The following FLG variants were observed in gnomAD, a reference collection of about 807,000 sequenced individuals.
The protein encoded by FLG is epidermal filaggrin.
In FLG, 6 loss-of-function variants were observed where a neutral mutation model predicts 3.8. That is an observed-to-expected ratio of 1.60 (90% CI 0.87 to 3.15). FLG has a LOEUF of 3.15. Ranked by LOEUF, FLG falls within the 30% of genes most tolerant of loss-of-function variation. The pLI is 0.00. For synonymous variants in FLG, 2,551 were observed against 1,931.6 expected (o/e 1.32, Z -8.41); for missense variants, 7,595 against 5,050.9 (o/e 1.50, Z -15.27).
chr1:152,313,568 G>T lies in FLG; in HGVS notation c.1318C>A (p.His440Asn), dbSNP rs781472255. Residue 440 changes from histidine (H) to asparagine (N), a missense_variant, in exon 3 of 3, where the codon CAC becomes AAC. Physicochemically the swap from His to Asn is moderately conservative, Grantham distance 68. Coordinates refer to ENST00000368799, the MANE Select transcript of FLG (RefSeq NM_002016.2). ...TGCTGTCTCAGCCCAGCCTTTCCGT[G>T]GCCTGACACTGATTGTGTGTCTGAG... is the stretch of plus-strand genomic sequence containing the variant. ...ENSDTQSVSG[H>N]GKAGLRQQSH... The T allele has an allele frequency of 1.2e-6, 2 of 1,613,950 alleles. No individual in the cohort carries two copies. The highest frequency in any genetic ancestry group is 1.7e-6 in the Non-Finnish European group (2 of 1,179,992).
intron 1 of FLG, among the ~76,000 whole-genome samples, chr1:152,324,165 T>G (rs1460619544): frequency 1.3e-5 from 2 of 151,830 alleles, no homozygotes; most frequent in Non-Finnish European, 2.9e-5. Flanking sequence ...GAATGCAGTC[T>G]CTCCCTGCTC....
In FLG at chr1:152,314,660, G is replaced by C. The variant is rs370154185; in HGVS notation, c.226C>G (p.Leu76Val). 3.2e-5 allele frequency: 51 copies of C among 1,613,874 alleles called. No homozygotes were observed. The highest frequency in any genetic ancestry group is 4.1e-5 in the Non-Finnish European group (48 of 1,179,976). ...GCTTGAGCCAACTTGAATACCATCA[G>C]AAGAAACTCAGTGAAGTCAATTTTC... ...NKKIDFTEFL[L>V]MVFKLAQAYY... The change falls in exon 3 of 3, where the codon CTG (leucine) becomes GTG (valine). Residue 76 changes from leucine (L) to valine (V), a missense_variant. Leu to Val is a conservative substitution (Grantham distance 32, BLOSUM62 1). Transcript: ENST00000368799.
chr1:152,319,689 A>C (rs549119493), intron 1 of FLG, among the ~76,000 whole-genome samples: 2 of 151,606 alleles, frequency 1.3e-5, no homozygotes, highest in South Asian at 4.1e-4. Flanking sequence ...TGTTATATTC[A>C]TCTTTCTGAA....
chr1:152,312,716 C>T lies in FLG; in HGVS notation c.2170G>A (p.Gly724Ser), dbSNP rs559079262. The T allele has an allele frequency of 3.1e-6, 5 of 1,614,052 alleles. No individual in the cohort carries two copies. The highest frequency in any genetic ancestry group is 1.3e-5 in the African/African-American group (1 of 74,968). ...LQSADSSRHS[G>S]TGHGQASSAV... Reference sequence around the variant, plus strand: ...GATGAAGCTTGTCCGTGCCCAGTGCCTGAGTGTCTGGAGCTGTCTGCTGAC... The same window carrying T: ...GATGAAGCTTGTCCGTGCCCAGTGCTTGAGTGTCTGGAGCTGTCTGCTGAC... Residue 724 changes from glycine (G) to serine (S), a missense_variant, in exon 3 of 3, where the codon GGC becomes AGC. By Grantham distance (56) the Gly-to-Ser change is moderately conservative (BLOSUM62 0). Transcript: ENST00000368799.
rs752526958 is a variant in FLG at position 152,313,951 on chromosome 1, C to T, written c.935G>A (p.Arg312Lys). The T allele has an allele frequency of 3.1e-6, 5 of 1,613,700 alleles. No homozygotes were observed. Among genetic ancestry groups the T allele is most frequent in the Non-Finnish European group, 4.2e-6 (5 of 1,179,926 alleles). Residue 312 changes from arginine (R) to lysine (K), a missense_variant, in exon 3 of 3, where the codon AGG (arginine) becomes AAG (lysine). Transcript: ENST00000368799. ...DSEGHSEDSE[R>K]HSGSASRNHH... ...GTTTCTGGAAGCCGACCCAGAGTGC[C>T]TCTCAGAGTCTTCTGAGTGTCCCTC...
At position 152,311,204 on chromosome 1, in the gene FLG, C is replaced by G; in HGVS notation, c.3682G>C (p.Asp1228His). The G allele has an allele frequency of 6.2e-7, 1 of 1,613,882 alleles. No individual in the cohort carries two copies. The highest frequency in any genetic ancestry group is 8.5e-7 in the Non-Finnish European group (1 of 1,179,966). The change falls in exon 3 of 3, where the codon GAC (aspartate) becomes CAC (histidine). Residue 1228 changes from aspartate (D) to histidine (H), a missense_variant. Physicochemically the swap from Asp to His is moderately conservative, Grantham distance 81 (BLOSUM62 -1). Transcript: ENST00000368799. The stretch of plus-strand genomic sequence containing the variant: ...CGTGACCCTGAGTGCCTGGAGCCGT[C>G]TCCTGATTGTTTGTCCTTACGAGTT... ...RQTRKDKQSG[D>H]GSRHSGSRHH...
Position 152,304,660 on chromosome 1 carries a change from C to A in FLG, c.10226G>T (p.Arg3409Leu), listed in dbSNP as rs751209901. The A allele has an allele frequency of 3.7e-6, 6 of 1,611,758 alleles. 1 individual carries two copies. Among genetic ancestry groups the A allele is most frequent in the South Asian group, 3.3e-5 (3 of 90,626 alleles). Residue 3409 changes from arginine to leucine, a missense_variant, in exon 3 of 3, where the codon CGA becomes CTA. Coordinates refer to ENST00000368799, the MANE Select transcript of FLG (RefSeq NM_002016.2). ...CTGCTCGTGGTGGGATCCTTGTCTT[C>A]GTCCAGTGCTGGTCCTGGTCCGCCC... is the stretch of plus-strand genomic sequence containing the variant. ...AHGRTRTSTGRRQGSHHEQAR... is the reference protein window; with the variant it reads ...AHGRTRTSTGLRQGSHHEQAR...
At position 152,311,168 on chromosome 1, in the gene FLG, C is replaced by A; in HGVS notation, c.3718G>T (p.Ala1240Ser). 2 of 1,613,760 alleles carry A rather than the reference C, an allele frequency of 1.2e-6. No homozygotes were observed. The highest frequency in any genetic ancestry group is 1.6e-4 in the Middle Eastern group (1 of 6,062). The stretch of plus-strand genomic sequence containing the variant: ...CTAGAGCTGTCAGCCCAAGAGGCAG[C>A]TTCATGGTGACGTGACCCTGAGTGC... ...SRHSGSRHHE[A>S]ASWADSSRHS... Residue 1240 changes from alanine (A) to serine (S), a missense_variant, in exon 3 of 3, where the codon GCT becomes TCT. Physicochemically the swap from Ala to Ser is moderately conservative, Grantham distance 99. Coordinates refer to ENST00000368799, the MANE Select transcript of FLG (RefSeq NM_002016.2).
At position 152,303,198 on chromosome 1, in the gene FLG, T is replaced by C; in HGVS notation, c.11688A>G (p.Arg3896=). Residue 3896 remains arginine, a synonymous_variant, in exon 3 of 3, where the codon AGA becomes AGG. Transcript: ENST00000368799. ...AGGATCCGGGGTGTCTGGAGCCATCTCTTGACTGCTCCCGAGAAGATCCAT... is the reference window on the plus strand; with the variant it reads ...AGGATCCGGGGTGTCTGGAGCCATCCCTTGACTGCTCCCGAGAAGATCCAT... ...NHHGSSREQS[R]DGSRHPGSSH... 6.2e-7 allele frequency: 1 copy of C among 1,614,088 alleles called. No individual in the cohort carries two copies. Among genetic ancestry groups the C allele is most frequent in the Non-Finnish European group, 8.5e-7 (1 of 1,180,014 alleles).
Position 152,314,408 on chromosome 1 carries a change from CT to C in FLG, c.477del (p.Glu160LysfsTer34), listed in dbSNP as rs746683647. The C allele has an allele frequency of 2.5e-6, 4 of 1,612,672 alleles. No homozygotes were observed. The highest frequency in any genetic ancestry group is 2.2e-5 in the South Asian group (2 of 90,980). ...GKRHESSSEK[K>X]ERKGYSPTHR... is the part of the protein sequence containing the mutation. ...TGAGTAGGTGAATATCCTTTTCTTTCTTTTTTTTCAGAACTAGATTCATGCC... is the reference window on the plus strand; with the variant it reads ...TGAGTAGGTGAATATCCTTTTCTTTCTTTTTTTCAGAACTAGATTCATGCC... On this transcript the variant is annotated frameshift_variant, in exon 3 of 3. Transcript: ENST00000368799. LOFTEE classifies it low-confidence loss of function (END_TRUNC).
At position 152,319,202 on chromosome 1, in the gene FLG, AGAT is replaced by A. The variant is rs373529252; in HGVS notation, c.-21-3728_-21-3726del. On this transcript the variant is annotated intron_variant, in intron 1 of 2. Transcript: ENST00000368799. ...ATTTTATTTTAGGTGTGATGAGACTAGATGATATTTTTTGGTAAGAGAGTGATC... is the reference window on the plus strand; with the variant it reads ...ATTTTATTTTAGGTGTGATGAGACTAGATATTTTTTGGTAAGAGAGTGATC... 1.4e-3 allele frequency among the ~76,000 whole-genome samples: 218 copies of A among 151,474 alleles called. 7 individuals carry two copies. In the East Asian group the frequency reaches 0.029, roughly 20 times the overall value.
rs545185518 is a variant in FLG at position 152,304,595 on chromosome 1, G to T, written c.10291C>A (p.Gln3431Lys). 3.7e-6 allele frequency: 6 copies of T among 1,610,538 alleles called. No homozygotes were observed. In the South Asian group the frequency reaches 5.5e-5, roughly 15 times the overall value. The part of the protein sequence containing the change: ...SSRHSASQEG[Q>K]DTIRGHPGSS... ...CCCGGGTGTCCACGAATGGTGTCCT[G>T]ACCCTCTTGGGACGCTGAGTGCCTG... The change falls in exon 3 of 3, where the codon CAG (glutamine) becomes AAG (lysine). Residue 3431 changes from glutamine to lysine, a missense_variant. Gln to Lys is a moderately conservative substitution (Grantham distance 53). Coordinates refer to ENST00000368799, the MANE Select transcript of FLG (RefSeq NM_002016.2).
rs778022370 is a variant in FLG, at chr1:152,303,077, C to A, written c.11809G>T (p.Asp3937Tyr). Reference sequence around the variant, plus strand: ...TGTATTCCTGAGTGATACGCAGAATCTTGTGAAAGACTACTAAAGTGACCA... The same window carrying A: ...TGTATTCCTGAGTGATACGCAGAATATTGTGAAAGACTACTAAAGTGACCA... ...EHGHFSSLSQ[D>Y]SAYHSGIQSR... Residue 3937 changes from aspartate (D) to tyrosine (Y), a missense_variant, in exon 3 of 3, where the codon GAT (aspartate) becomes TAT (tyrosine). Asp to Tyr is a radical substitution (Grantham distance 160). Transcript: ENST00000368799. 6.2e-7 allele frequency: 1 copy of A among 1,614,050 alleles called. No individual in the cohort carries two copies. The highest frequency in any genetic ancestry group is 2.2e-5 in the East Asian group (1 of 44,890).
Position 152,311,697 on chromosome 1 carries a change from G to A in FLG, c.3189C>T (p.His1063=), listed in dbSNP as rs778991378. 1 of 1,614,118 alleles carries A rather than the reference G, an allele frequency of 6.2e-7. No individual in the cohort carries two copies. The highest frequency in any genetic ancestry group is 8.5e-7 in the Non-Finnish European group (1 of 1,180,020). The part of the protein sequence containing the change: ...QASSAVRDSG[H]WGSSGSQASD... ...TGGCCTGACTACCACTGGACCCCCA[G>A]TGTCCACTGTCTCTGACTGCAGATG... Residue 1063 remains histidine, a synonymous_variant, in exon 3 of 3, where the codon CAC becomes CAT. Transcript: ENST00000368799.
In FLG at chr1:152,313,849, T is replaced by C. The variant is rs143222768; in HGVS notation, c.1037A>G (p.His346Arg). 8 of 1,614,048 alleles carry C rather than the reference T, an allele frequency of 5.0e-6. No individual in the cohort carries two copies. The highest frequency in any genetic ancestry group is 6.8e-6 in the Non-Finnish European group (8 of 1,180,032). ...TCTGGAGCTGTCTGCAGAGTGCCCA[T>C]GACTGGCTCTGTCTTCATCATGGGA... ...PRSHDEDRAS[H>R]GHSADSSRQS... Residue 346 changes from histidine (H) to arginine (R), a missense_variant, in exon 3 of 3, where the codon CAT (histidine) becomes CGT (arginine). By Grantham distance (29) the His-to-Arg change is conservative (BLOSUM62 0). Transcript: ENST00000368799.
chr1:152,314,017 C>A lies in FLG; in HGVS notation c.869G>T (p.Arg290Ile), dbSNP rs757787640. 6.2e-7 allele frequency: 1 copy of A among 1,614,216 alleles called. No individual in the cohort carries two copies. Among genetic ancestry groups the A allele is most frequent in the African/African-American group, 1.3e-5 (1 of 75,062 alleles). Residue 290 changes from arginine to isoleucine, a missense_variant, in exon 3 of 3, where the codon AGA (arginine) becomes ATA (isoleucine). Physicochemically the swap from Arg to Ile is moderately conservative, Grantham distance 97. Coordinates refer to ENST00000368799, the MANE Select transcript of FLG (RefSeq NM_002016.2). ...SQVPLQESRT[R>I]KRRGSRVSQD... ...GCTAACTCTGGATCCCCTACGCTTT[C>A]TTGTCCTGGACTCCTGCAATGGTAC... is the stretch of plus-strand genomic sequence containing the variant.
chr1:152,310,923 G>C lies in FLG; in HGVS notation c.3963C>G (p.His1321Gln). 6.2e-7 allele frequency: 1 copy of C among 1,614,020 alleles called. No individual in the cohort carries two copies. The change falls in exon 3 of 3, where the codon CAC becomes CAG. Residue 1321 changes from histidine (H) to glutamine (Q), a missense_variant. By Grantham distance (24) the His-to-Gln change is conservative (BLOSUM62 0). Coordinates refer to ENST00000368799, the MANE Select transcript of FLG (RefSeq NM_002016.2). Reference sequence around the variant, plus strand: ...CTGATTGTCTGGAGCTGTCTGCAGAGTGCCCGTGACTGGCTCTGTCTTCTT... The same window carrying C: ...CTGATTGTCTGGAGCTGTCTGCAGACTGCCCGTGACTGGCTCTGTCTTCTT... Reference protein sequence around the residue: ...FHQEDRASHGHSADSSRQSGT... With the variant: ...FHQEDRASHGQSADSSRQSGT...
chr1:152,319,235 A>G (rs1244489861), intron 1 of FLG, among the ~76,000 whole-genome samples: 1 of 150,762 alleles, frequency 6.6e-6, no homozygotes, highest in African/African-American at 2.4e-5. Flanking sequence ...GTGATCTAAT[A>G]TGGTTTGATT....
Position 152,313,164 on chromosome 1 carries a change from C to T in FLG, c.1722G>A (p.Glu574=). 2 of 1,613,842 alleles carry T rather than the reference C, an allele frequency of 1.2e-6. No homozygotes were observed. Among genetic ancestry groups the T allele is most frequent in the Non-Finnish European group, 8.5e-7 (1 of 1,180,004 alleles). The change falls in exon 3 of 3, where the codon GAG becomes GAA. Residue 574 remains glutamate (E), a synonymous_variant. Transcript: ENST00000368799. ...GCCTGGTGCCGTCTCCTGATTGTTC[C>T]TCATTTCGTGTTTGTCTGCTTGCAC... ...SRSASRQTRN[E]EQSGDGTRHS...
Sources: allele counts gnomAD v4.1 joint callset (sites outside exome capture counted in the v4.1 genomes callset), GRCh38; gene constraint gnomAD v4.1.1; transcripts MANE v1.5; gene names NCBI Gene and HGNC (gene_info 2026-07-23, HGNC 2026-07-21).